The following USP12 variants were observed in gnomAD, a reference collection of about 807,000 sequenced individuals.
USP12 encodes the protein ubiquitin carboxyl-terminal hydrolase 12.
Under a neutral mutation model 45.5 loss-of-function variants are expected in USP12, and 19 were observed. The observed-to-expected ratio is 0.42, with a 90% CI of 0.29 to 0.61. The LOEUF (loss-of-function observed/expected upper bound fraction) is 0.61, where lower values mean the gene tolerates loss of function less well. Ranked by LOEUF, USP12 falls within the 20% of genes least tolerant of loss-of-function variation. USP12 has a pLI of 0.22. For missense variants in USP12, 242 were observed against 447.7 expected, an observed-to-expected ratio of 0.54 and a Z score of 4.15; for synonymous variants, 149 against 148.8, an observed-to-expected ratio of 1.00 and a Z score of -0.01.
intron 6 of USP12, among the ~76,000 whole-genome samples, chr13:27,081,720 C>CA: frequency 1.3e-5 from 2 of 152,254 alleles, no homozygotes; most frequent in Admixed American, 1.3e-4. Flanking sequence ...TAAATAATAA[C>CA]AATTGAAAGT....
intron 1 of USP12, among the ~76,000 whole-genome samples, chr13:27,158,041 C>T (rs770851832): frequency 6.6e-6 from 1 of 152,110 alleles, no homozygotes; most frequent in Non-Finnish European, 1.5e-5. Flanking sequence ...GAACTGTGTT[C>T]CCTAATAAAG....
intron 1 of USP12, chr13:27,168,942 G>A (rs1878465358): frequency 6.6e-6 from 1 of 152,196 alleles, no homozygotes; most frequent in Non-Finnish European, 1.5e-5. Context: ...CACAGCTGCT[G>A]ATTCTGAGAA....
chr13:27,156,769 C>T (rs1314219672), intron 1 of USP12, among the ~76,000 whole-genome samples: 1 of 152,046 alleles, frequency 6.6e-6, no homozygotes, highest in Non-Finnish European at 1.5e-5. Context: ...TTGCAGTGAG[C>T]CGAAATCACA....
chr13:27,076,013 G>GA (rs1437723941), intron 6 of USP12, among the ~76,000 whole-genome samples: 1 of 121,818 alleles, frequency 8.2e-6, no homozygotes, highest in African/African-American at 3.1e-5. Context: ...CTGGGTGACA[G>GA]AGCAAGGCTC....
At chr13:27,071,251 G>A (rs1187921327) in intron 7 of USP12, 102 bp from the exon 8 acceptor site, 7 of 1,011,216 alleles carry the variant, frequency 6.9e-6, no homozygotes, top group East Asian at 2.8e-5. Context: ...ATAAATAGCA[G>A]TAAAAAAGAA....
chr13:27,119,111 A>C (rs887682487), intron 1 of USP12, among the ~76,000 whole-genome samples: 3 of 152,234 alleles, frequency 2.0e-5, no homozygotes, highest in African/African-American at 7.2e-5. Flanking sequence ...GGTGTCCAAT[A>C]AATGTTGGTC....
intron 1 of USP12, among the ~76,000 whole-genome samples, chr13:27,169,371 C>T (rs1187351810): frequency 1.3e-5 from 2 of 152,082 alleles, no homozygotes; most frequent in African/African-American, 4.8e-5. Flanking sequence ...AGCAAAACAG[C>T]ACCTACAAAG....
At chr13:27,112,939 G>A (rs920493634) in intron 2 of USP12, among the ~76,000 whole-genome samples, 2 of 152,144 alleles carry the variant, frequency 1.3e-5, no homozygotes, top group African/African-American at 2.4e-5. Flanking sequence ...GCATTACTTT[G>A]TTTAAATACT....
At chr13:27,130,336 C>G (rs962635263) in intron 1 of USP12, among the ~76,000 whole-genome samples, 1 of 152,066 alleles carries the variant, frequency 6.6e-6, no homozygotes, top group African/African-American at 2.4e-5. Flanking sequence ...TCTATCAAGT[C>G]ATAGCTGTCC....
At chr13:27,161,542 T>TA (rs11365650) in intron 1 of USP12, among the ~76,000 whole-genome samples, 4 of 151,166 alleles carry the variant, frequency 2.6e-5, no homozygotes, top group Admixed American at 6.6e-5. Flanking sequence ...TTTATACCTT[T>TA]AAAAAAAAAT....
chr13:27,079,513 C>CTG (rs1392702587), intron 6 of USP12, among the ~76,000 whole-genome samples: 2 of 152,096 alleles, frequency 1.3e-5, no homozygotes, highest in Non-Finnish European at 2.9e-5. Context: ...AGGGGAGGAG[C>CTG]TGGAGGAAGG....
At chr13:27,081,500 G>A (rs911510019) in intron 6 of USP12, among the ~76,000 whole-genome samples, 1 of 152,132 alleles carries the variant, frequency 6.6e-6, no homozygotes, top group Non-Finnish European at 1.5e-5. Flanking sequence ...TTCCTCCACT[G>A]AAGTTCGAAT....
intron 2 of USP12, among the ~76,000 whole-genome samples, chr13:27,109,926 A>AAAAAAAG (rs1875347867): frequency 6.7e-6 from 1 of 149,752 alleles, no homozygotes; most frequent in African/African-American, 2.5e-5. Context: ...AAAAAAAAAA[A>AAAAAAAG]GTCATCTTTG....
At chr13:27,169,869 C>T (rs1238924495) in intron 1 of USP12, among the ~76,000 whole-genome samples, 5 of 152,182 alleles carry the variant, frequency 3.3e-5, no homozygotes, top group Admixed American at 3.3e-4. Context: ...TTAGTGGCTG[C>T]TAAGTGTATA....
At chr13:27,075,420 A>G (rs1321381984) in intron 6 of USP12, 32 bp from the exon 7 acceptor site, 2 of 1,555,002 alleles carry the variant, frequency 1.3e-6, no homozygotes, top group South Asian at 2.3e-5. Flanking sequence ...ACAAAATTTC[A>G]TAAAAGATAT....
intron 2 of USP12, among the ~76,000 whole-genome samples, chr13:27,114,686 G>A (rs1359600159): frequency 6.6e-6 from 1 of 151,502 alleles, no homozygotes; most frequent in African/African-American, 2.4e-5. Flanking sequence ...CAGAAAACAG[G>A]TTGTCATTAA....
intron 1 of USP12, among the ~76,000 whole-genome samples, chr13:27,128,526 C>T (rs1382034817): frequency 6.6e-6 from 1 of 152,134 alleles, no homozygotes; most frequent in African/African-American, 2.4e-5. Context: ...GGCACCTTAC[C>T]TAAGGCAAAA....
chr13:27,105,280 C>T (rs557508349), intron 3 of USP12, among the ~76,000 whole-genome samples: 25 of 152,202 alleles, frequency 1.6e-4, no homozygotes, highest in African/African-American at 5.8e-4. Flanking sequence ...TCCTGGCAAG[C>T]CTTTTTTAGG....
At chr13:27,120,551 G>A (rs894718464) in intron 1 of USP12, among the ~76,000 whole-genome samples, 1 of 151,526 alleles carries the variant, frequency 6.6e-6, no homozygotes, top group African/African-American at 2.4e-5. Context: ...CTATTCAGGA[G>A]GCTGAGGCTG....
Sources: gnomAD v4.1 joint callset for allele counts (sites outside exome capture counted in the v4.1 genomes callset) on GRCh38, gnomAD v4.1.1 for gene constraint, MANE v1.5 for transcripts, NCBI Gene and HGNC (gene_info 2026-07-23, HGNC 2026-07-21) for gene names.